Variants in VPS13B observed in about 807,000 individuals in gnomAD.
The protein encoded by VPS13B is vacuolar protein sorting 13 homolog B, also known as intermembrane lipid transfer protein VPS13B.
VPS13B carries 285 observed loss-of-function variants against 426.4 expected under a neutral mutation model. The observed-to-expected ratio is 0.67, with a 90% CI of 0.61 to 0.74. VPS13B has a LOEUF of 0.74. VPS13B is among the 30% of genes least tolerant of loss of function. The pLI, the probability that VPS13B is intolerant of heterozygous loss-of-function variation, is 0.00. For missense variants in VPS13B, 4,537 were observed against 4,782.6 expected (o/e 0.95, Z 1.51); for synonymous variants, 1,676 against 1,676.4 (o/e 1.00, Z 0.01).
intron 59 of VPS13B, among the ~76,000 whole-genome samples, chr8:99,870,500 C>G (rs956454582): frequency 6.6e-6 from 1 of 152,162 alleles, no homozygotes; most frequent in Non-Finnish European, 1.5e-5. Flanking sequence ...GATGTCTAGG[C>G]TATTGTTCAT....
intron 17 of VPS13B, chr8:99,233,292 G>T: frequency 8.8e-7 from 1 of 1,132,088 alleles, no homozygotes; most frequent in Non-Finnish European, 1.3e-6. Context: ...GGCCAGCTGT[G>T]GAAGAGAGCA....
intron 3 of VPS13B, among the ~76,000 whole-genome samples, chr8:99,064,212 G>A (rs1283279714): frequency 2.0e-5 from 3 of 152,120 alleles, no homozygotes; most frequent in Non-Finnish European, 2.9e-5. Context: ...CCAAAGGATC[G>A]TAGCTCCTCG....
At position 99,620,809 on chromosome 8, in the gene VPS13B, TA is replaced by T. The variant is rs769886969; in HGVS notation, c.5221-20990del. Among the ~76,000 whole-genome samples, 281 of 142,238 alleles carry T rather than the reference TA, an allele frequency of 2.0e-3. 1 individual carries two copies. Among genetic ancestry groups the T allele is most frequent in the East Asian group, 6.5e-3 (32 of 4,918 alleles). 93.3% of individuals were successfully genotyped at this position (142,238 alleles called of 152,430 possible). A position where few individuals can be genotyped will look rare whatever the true frequency, so the allele number is the denominator to read the frequency against. On this transcript the variant is annotated intron_variant, in intron 33 of 61. Coordinates refer to ENST00000357162, the MANE Select transcript of VPS13B (RefSeq NM_152564.5). ...TAACCTAGTGAAACCCTGTCTCTACTAAAAAAAAAAAATATACAAAATACAA... is the reference window on the plus strand; with the variant it reads ...TAACCTAGTGAAACCCTGTCTCTACTAAAAAAAAAAATATACAAAATACAA...
At chr8:99,107,690 AC>A (rs1563544371) in intron 5 of VPS13B, among the ~76,000 whole-genome samples, 1 of 152,120 alleles carries the variant, frequency 6.6e-6, no homozygotes, top group Admixed American at 6.5e-5. Flanking sequence ...TTTCCTTGTT[AC>A]GTGTTTGAAT....
intron 17 of VPS13B, among the ~76,000 whole-genome samples, chr8:99,209,072 A>T (rs913526193): frequency 1.3e-5 from 2 of 152,136 alleles, no homozygotes; most frequent in Non-Finnish European, 2.9e-5. Context: ...CAAGGTTGAG[A>T]GATCGAGACC....
intron 25 of VPS13B, among the ~76,000 whole-genome samples, chr8:99,489,687 T>G (rs1820498466): frequency 6.6e-6 from 1 of 152,194 alleles, no homozygotes. Context: ...AGTTCACTCA[T>G]GATTTGGCTC....
chr8:99,357,830 G>A (rs1215577608), intron 19 of VPS13B, among the ~76,000 whole-genome samples: 2 of 152,180 alleles, frequency 1.3e-5, no homozygotes, highest in African/African-American at 4.8e-5. Context: ...TGTCAATTAA[G>A]TACTAACAAT....
intron 19 of VPS13B, among the ~76,000 whole-genome samples, chr8:99,277,600 T>C (rs1027281123): frequency 3.3e-5 from 5 of 152,156 alleles, no homozygotes; most frequent in African/African-American, 1.2e-4. Context: ...TATTATACTT[T>C]CAGCAACTAC....
chr8:99,090,290 CAG>C (rs1401758066), intron 3 of VPS13B, among the ~76,000 whole-genome samples: 1 of 143,230 alleles, frequency 7.0e-6, no homozygotes, highest in East Asian at 2.0e-4. Flanking sequence ...TTTTTTCACA[CAG>C]AGTCTCTCTC....
chr8:99,188,453 G>T (rs908305649), intron 16 of VPS13B, among the ~76,000 whole-genome samples: 6 of 152,002 alleles, frequency 3.9e-5, no homozygotes, highest in African/African-American at 1.2e-4. Context: ...TGTATGGATC[G>T]AATACATTTT....
At chr8:99,104,179 CTGTACAGCATGTTACTGTGCTGAG>C (rs1436592583) in intron 5 of VPS13B, among the ~76,000 whole-genome samples, 3 of 152,140 alleles carry the variant, frequency 2.0e-5, no homozygotes. Flanking sequence ...GGCTGCAAAC[CTGTACAGCATGTTACTGTGCTGAG>C]TATTGTAGAT....
intron 19 of VPS13B, among the ~76,000 whole-genome samples, chr8:99,381,220 G>A (rs572800046): frequency 6.6e-6 from 1 of 152,230 alleles, no homozygotes; most frequent in East Asian, 1.9e-4. Context: ...CCATGTTCCT[G>A]CAAAGGACAT....
At chr8:99,056,287 C>G (rs1031921277) in intron 3 of VPS13B, among the ~76,000 whole-genome samples, 3 of 152,016 alleles carry the variant, frequency 2.0e-5, no homozygotes, top group African/African-American at 7.2e-5. Context: ...TCTTGAACTC[C>G]TGGGCTCAAG....
chr8:99,758,624 C>G (rs1455086267), intron 39 of VPS13B, among the ~76,000 whole-genome samples: 1 of 152,152 alleles, frequency 6.6e-6, no homozygotes, highest in African/African-American at 2.4e-5. Flanking sequence ...CCTCCTAAAT[C>G]AGGTGTCAGT....
intron 13 of VPS13B, among the ~76,000 whole-genome samples, chr8:99,147,204 C>T (rs969501455): frequency 6.6e-6 from 1 of 151,970 alleles, no homozygotes; most frequent in Non-Finnish European, 1.5e-5. Flanking sequence ...CTCTGTCTCC[C>T]GGGTTCAAGA....
At chr8:99,661,796 G>T (rs1209265879) in intron 35 of VPS13B, among the ~76,000 whole-genome samples, 1 of 152,086 alleles carries the variant, frequency 6.6e-6, no homozygotes, top group African/African-American at 2.4e-5. Context: ...TTAGGTGATT[G>T]ATCTAATCTT....
chr8:99,242,324 T>A (rs1816975689), intron 17 of VPS13B, among the ~76,000 whole-genome samples: 1 of 152,204 alleles, frequency 6.6e-6, no homozygotes, highest in Non-Finnish European at 1.5e-5. Context: ...TATGTTTCAG[T>A]TGAATCATTT....
chr8:99,266,617 G>A (rs1197379936), intron 17 of VPS13B, among the ~76,000 whole-genome samples: 1 of 152,056 alleles, frequency 6.6e-6, no homozygotes, highest in Non-Finnish European at 1.5e-5. Context: ...ATGGGGGGTG[G>A]TTACCCTCAT....
intron 19 of VPS13B, among the ~76,000 whole-genome samples, chr8:99,275,763 A>T (rs1407994590): frequency 6.6e-6 from 1 of 152,136 alleles, no homozygotes; most frequent in African/African-American, 2.4e-5. Context: ...TCAACACTGT[A>T]ATAGCAGAGC....
Sources: gnomAD v4.1 joint callset for allele counts (sites outside exome capture counted in the v4.1 genomes callset) on GRCh38, gnomAD v4.1.1 for gene constraint, MANE v1.5 for transcripts, NCBI Gene and HGNC (gene_info 2026-07-23, HGNC 2026-07-21) for gene names.